Variants in UBIAD1 observed in about 807,000 individuals in gnomAD.
UBIAD1 encodes UbiA prenyltransferase domain containing 1, also known as ubiA prenyltransferase domain-containing protein 1.
Under a neutral mutation model 20.1 loss-of-function variants are expected in UBIAD1, and 12 were observed. That is an observed-to-expected ratio of 0.60 (90% confidence interval 0.38 to 0.97). The LOEUF is 0.97. Ranked by LOEUF, UBIAD1 falls within the 50% of genes least tolerant of loss-of-function variation. UBIAD1 has a pLI of 0.00. For synonymous variants in UBIAD1, 207 were observed against 189.2 expected (o/e 1.09, Z -0.77); for missense variants, 333 against 419.5 (o/e 0.79, Z 1.80).
downstream of UBIAD1, among the ~76,000 whole-genome samples, chr1:11,298,285 G>T (rs115915612): frequency 0.013 from 1,984 of 150,948 alleles, 48 homozygotes; most frequent in African/African-American, 0.046. The surrounding 1 kb of genome is among the most constrained non-coding windows in gnomAD (Gnocchi z 4.0). Flanking sequence ...TTAAAAAATT[G>T]GGCCAGACAC....
intron 1 of UBIAD1, chr1:11,278,480 A>C (rs1652133253): frequency 2.5e-6 from 1 of 405,826 alleles, no homozygotes; most frequent in East Asian, 4.0e-5. Flanking sequence ...ATTCTTACAA[A>C]TGTCCAGGTC....
chr1:11,292,728 C>T (rs1638387623), downstream of UBIAD1, among the ~76,000 whole-genome samples: 1 of 151,376 alleles, frequency 6.6e-6, no homozygotes, highest in African/African-American at 2.4e-5. Context: ...GAGTTGATTT[C>T]ACCTCGAAAG....
chr1:11,292,792 C>G (rs534445871), downstream of UBIAD1, among the ~76,000 whole-genome samples: 191 of 152,098 alleles, frequency 1.3e-3, 1 homozygote, highest in Non-Finnish European at 2.2e-3. Context: ...GACCACTCTG[C>G]TGCTAATGGA....
downstream of UBIAD1, among the ~76,000 whole-genome samples, chr1:11,293,267 C>A (rs541927236): frequency 7.9e-5 from 12 of 152,130 alleles, no homozygotes; most frequent in Non-Finnish European, 1.6e-4. Context: ...TTCCGCACTC[C>A]CACGGTCCTG....
downstream of UBIAD1, among the ~76,000 whole-genome samples, chr1:11,288,809 G>A (rs571635631): frequency 6.6e-5 from 10 of 152,302 alleles, no homozygotes; most frequent in South Asian, 2.1e-3. Context: ...CTACTCAGGA[G>A]GCTGAGGTGG....
intron 1 of UBIAD1, among the ~76,000 whole-genome samples, chr1:11,282,882 C>T (rs1424570741): frequency 2.1e-5 from 3 of 146,160 alleles, no homozygotes; most frequent in Admixed American, 7.0e-5. Context: ...TTTCTTGAGA[C>T]GGAGTTTTGC....
At chr1:11,274,734 C>G (rs190498341) in intron 1 of UBIAD1, among the ~76,000 whole-genome samples, 6 of 152,000 alleles carry the variant, frequency 3.9e-5, no homozygotes, top group Non-Finnish European at 2.9e-5. Context: ...CTCAGCTCCC[C>G]GAGTAGCTGG....
intron 1 of UBIAD1, chr1:11,279,309 G>A: frequency 4.6e-6 from 1 of 217,290 alleles, no homozygotes; most frequent in Non-Finnish European, 9.8e-6. Context: ...CAAAGGTTTT[G>A]ACCTGAGAAC....
downstream of UBIAD1, among the ~76,000 whole-genome samples, chr1:11,289,563 A>C (rs368383863): frequency 1.3e-5 from 2 of 151,934 alleles, no homozygotes; most frequent in South Asian, 2.1e-4. Context: ...GTCTTTATTT[A>C]TTTATTTATT....
chr1:11,277,602 A>G (rs962108046), intron 1 of UBIAD1, among the ~76,000 whole-genome samples: 1 of 151,658 alleles, frequency 6.6e-6, no homozygotes, highest in South Asian at 2.1e-4. Context: ...AACAATTTCA[A>G]CTGCAGCTCT....
In UBIAD1 at chr1:11,285,961, C is replaced by CA; in HGVS notation, c.847_848insA (p.Leu283HisfsTer15). On this transcript the variant is annotated frameshift_variant, in exon 2 of 2. Coordinates refer to ENST00000376810, the MANE Select transcript of UBIAD1 (RefSeq NM_013319.3). LOFTEE classifies it high-confidence loss of function. This position sits in a 1 kb window ranked among gnomAD's most constrained non-coding sequence, Gnocchi z 4.4. Reference sequence around the variant, plus strand: ...CCTGGCCACACACTGCACCATCAGCCTGGCACTCCCCCTGCTTACCATTCC... The same window carrying CA: ...CCTGGCCACACACTGCACCATCAGCCATGGCACTCCCCCTGCTTACCATTCC... The CA allele has an allele frequency of 6.2e-7, 1 of 1,614,224 alleles. No individual in the cohort carries two copies. The highest frequency in any genetic ancestry group is 1.1e-5 in the South Asian group (1 of 91,088).
At chr1:11,281,977 A>G (rs1393647538) in intron 1 of UBIAD1, among the ~76,000 whole-genome samples, 1 of 152,176 alleles carries the variant, frequency 6.6e-6, no homozygotes, top group African/African-American at 2.4e-5. Flanking sequence ...AACATACCAC[A>G]ACTTCTTTTT....
downstream of UBIAD1, among the ~76,000 whole-genome samples, chr1:11,292,622 C>T (rs1638383881): frequency 6.6e-6 from 1 of 151,566 alleles, no homozygotes; most frequent in Admixed American, 6.6e-5. Context: ...GCCATCTTAA[C>T]AGGAACAGCT....
In UBIAD1 at chr1:11,286,771, T is replaced by C. The variant is rs1186736289; in HGVS notation, c.*640T>C. On this transcript the variant is annotated 3_prime_UTR_variant, in exon 2 of 2. Transcript: ENST00000376810. The stretch of plus-strand genomic sequence containing the variant: ...CCACAGTTGAGGAAAAGTGTCAGAT[T>C]ACCCTGCAGCAAGACAAGCCAAGGA... 1.3e-5 allele frequency: 2 copies of C among 154,420 alleles called. No individual in the cohort carries two copies. Among genetic ancestry groups the C allele is most frequent in the East Asian group, 3.8e-4 (2 of 5,196 alleles). 9.6% of individuals were successfully genotyped at this position (154,420 alleles called of 1,614,324 possible). A position where few individuals can be genotyped will look rare whatever the true frequency, so the allele number is the denominator to read the frequency against.
chr1:11,280,340 C>T (rs567001895), intron 1 of UBIAD1, among the ~76,000 whole-genome samples: 31 of 152,262 alleles, frequency 2.0e-4, no homozygotes, highest in African/African-American at 7.5e-4. Flanking sequence ...GCGATCTTAA[C>T]CAGTCCTACT....
At position 11,286,247 on chromosome 1, in the gene UBIAD1, C is replaced by A; in HGVS notation, c.*116C>A. 1 of 1,357,224 alleles carries A rather than the reference C, an allele frequency of 7.4e-7. No homozygotes were observed. The allele number at this position is 1,357,224 out of a possible 1,614,324, so 84.1% of individuals were successfully genotyped here. On this transcript the variant is annotated 3_prime_UTR_variant, in exon 2 of 2. Coordinates refer to ENST00000376810, the MANE Select transcript of UBIAD1 (RefSeq NM_013319.3). ...AGGGTACTAAGCATGGGTGGGAACTCCTGCCTTATAAAAATTGTTTTTGTG... is the reference window on the plus strand; with the variant it reads ...AGGGTACTAAGCATGGGTGGGAACTACTGCCTTATAAAAATTGTTTTTGTG...
chr1:11,295,449 C>G (rs1298199238), downstream of UBIAD1: 1 of 154,544 alleles, frequency 6.5e-6, no homozygotes, highest in African/African-American at 2.4e-5. Context: ...CTGCCAAGGT[C>G]AAAGCCTTCT....
intron 1 of UBIAD1, among the ~76,000 whole-genome samples, chr1:11,281,743 G>A (rs1652247837): frequency 6.6e-6 from 1 of 152,098 alleles, no homozygotes; most frequent in Non-Finnish European, 1.5e-5. Context: ...CCCCCATCCA[G>A]AGACAGGAAA....
chr1:11,296,075 TCTC>T (rs578005176), downstream of UBIAD1: 46 of 152,336 alleles, frequency 3.0e-4, no homozygotes, highest in African/African-American at 1.1e-3. Flanking sequence ...TATGACTAGA[TCTC>T]CTCTGATGCC....
Sources: gnomAD v4.1 joint callset for allele counts (sites outside exome capture counted in the v4.1 genomes callset) on GRCh38, gnomAD v4.1.1 for gene constraint, Gnocchi (gnomAD v3.1) non-coding constraint, MANE v1.5 for transcripts, NCBI Gene and HGNC (gene_info 2026-07-23, HGNC 2026-07-21) for gene names.